Variants in UGGT2 observed in about 807,000 individuals in gnomAD.
UGGT2 encodes the protein UDP-glucose:glycoprotein glucosyltransferase 2.
Under a neutral mutation model 192.1 loss-of-function variants are expected in UGGT2, and 180 were observed. The ratio of observed to expected loss-of-function variants is 0.94; its 90% CI spans 0.83 to 1.06. The LOEUF (loss-of-function observed/expected upper bound fraction) is 1.06. Among genes scored for constraint, UGGT2 ranks in the 50% least tolerant of loss-of-function variants. UGGT2 has a pLI of 0.00. For missense variants in UGGT2, 1,849 were observed against 1,795.7 expected, an observed-to-expected ratio of 1.03 and a Z score of -0.54; for synonymous variants, 580 against 591.0, an observed-to-expected ratio of 0.98 and a Z score of 0.27.
chr13:95,814,143 A>C (rs1884706055), intron 38 of UGGT2, among the ~76,000 whole-genome samples: 1 of 152,212 alleles, frequency 6.6e-6, no homozygotes, highest in African/African-American at 2.4e-5. Flanking sequence ...TGTACCCCCC[A>C]CAGAGAGTCC....
intron 38 of UGGT2, among the ~76,000 whole-genome samples, chr13:95,823,898 G>C (rs1885755444): frequency 6.6e-6 from 1 of 151,904 alleles, no homozygotes; most frequent in African/African-American, 2.4e-5. Context: ...TTCTATTTTA[G>C]TGCATGTTGA....
chr13:95,901,711 T>G (rs2048109881), intron 21 of UGGT2, among the ~76,000 whole-genome samples: 1 of 152,154 alleles, frequency 6.6e-6, no homozygotes, highest in African/African-American at 2.4e-5. Context: ...CTACTATGAC[T>G]GAGGAACTGA....
intron 4 of UGGT2, among the ~76,000 whole-genome samples, chr13:96,014,871 C>A (rs919074701): frequency 6.6e-6 from 1 of 152,048 alleles, no homozygotes; most frequent in Non-Finnish European, 1.5e-5. Context: ...ATTTTATAAA[C>A]CTGATTTTAT....
rs557833575 is a variant in UGGT2 at position 95,869,458 on chromosome 13, A to G, written c.3474-2035T>C. On this transcript the variant is annotated intron_variant, in intron 29 of 38. Coordinates refer to ENST00000376747, the MANE Select transcript of UGGT2 (RefSeq NM_020121.4). ...TCTAGTTCTAGATCCCTCAGGAATC[A>G]CCACACTGACTTCCACAATGGTTGA... 9.2e-5 allele frequency among the ~76,000 whole-genome samples: 14 copies of G among 152,300 alleles called. No individual in the cohort carries two copies. The South Asian group carries it at 2.3e-3, about 25-fold the overall frequency.
At chr13:95,980,580 C>T (rs1181957599) in intron 10 of UGGT2, among the ~76,000 whole-genome samples, 8 of 152,324 alleles carry the variant, frequency 5.3e-5, no homozygotes, top group Non-Finnish European at 7.4e-5. Flanking sequence ...TAAACACCAT[C>T]TGTTCCCAAA....
At chr13:95,815,255 G>A (rs1256665608) in intron 38 of UGGT2, among the ~76,000 whole-genome samples, 1 of 152,082 alleles carries the variant, frequency 6.6e-6, no homozygotes, top group African/African-American at 2.4e-5. Context: ...ATGAAGACTG[G>A]AAAGGAAAAA....
chr13:95,954,737 T>G (rs2050164103), intron 12 of UGGT2, among the ~76,000 whole-genome samples: 1 of 152,326 alleles, frequency 6.6e-6, no homozygotes, highest in South Asian at 2.1e-4. Flanking sequence ...TGATGTCTTA[T>G]GTCTCCCTAA....
At chr13:95,995,907 T>G in intron 7 of UGGT2, 156 bp downstream of exon 7, 1 of 640,146 alleles carries the variant, frequency 1.6e-6, no homozygotes. Flanking sequence ...ATTAGCCATG[T>G]GTTACTTCTG....
At chr13:95,991,533 G>A (rs1414814454) in intron 7 of UGGT2, 6 of 441,674 alleles carry the variant, frequency 1.4e-5, no homozygotes, top group South Asian at 4.9e-5. Context: ...TTATAGTTAC[G>A]AATAAATATA....
intron 12 of UGGT2, among the ~76,000 whole-genome samples, chr13:95,961,584 G>A (rs1224793321): frequency 1.3e-5 from 2 of 151,986 alleles, no homozygotes; most frequent in African/African-American, 4.8e-5. Context: ...AAACACTGGA[G>A]TACCTACACA....
chr13:95,844,225 G>T (rs1000560506), intron 36 of UGGT2, among the ~76,000 whole-genome samples: 1 of 152,202 alleles, frequency 6.6e-6, no homozygotes, highest in African/African-American at 2.4e-5. Flanking sequence ...GCCTCCCAAA[G>T]TGCTGGGATT....
intron 17 of UGGT2, among the ~76,000 whole-genome samples, chr13:95,927,819 G>C (rs557731224): frequency 1.3e-5 from 2 of 152,098 alleles, no homozygotes; most frequent in South Asian, 2.1e-4. Flanking sequence ...GCCGCCTTCC[G>C]CAGTGTTTGT....
At chr13:95,822,598 A>T (rs1158302520) in intron 38 of UGGT2, among the ~76,000 whole-genome samples, 5 of 151,990 alleles carry the variant, frequency 3.3e-5, no homozygotes, top group Non-Finnish European at 7.4e-5. Flanking sequence ...TCGTACATGT[A>T]AAGGTGTTCA....
chr13:95,915,829 C>T (rs1230318786), intron 20 of UGGT2, among the ~76,000 whole-genome samples: 1 of 152,202 alleles, frequency 6.6e-6, no homozygotes, highest in Non-Finnish European at 1.5e-5. Flanking sequence ...CATTCCTCCT[C>T]ACTGGGGAGG....
intron 36 of UGGT2, among the ~76,000 whole-genome samples, chr13:95,840,519 T>G (rs1408634645): frequency 6.6e-6 from 1 of 152,170 alleles, no homozygotes; most frequent in Non-Finnish European, 1.5e-5. Flanking sequence ...TCATGCCAGT[T>G]AGAATGGTGA....
intron 29 of UGGT2, among the ~76,000 whole-genome samples, chr13:95,868,640 T>G (rs943890927): frequency 2.0e-5 from 3 of 152,078 alleles, no homozygotes; most frequent in African/African-American, 7.2e-5. Flanking sequence ...GGATCTAACC[T>G]GTATGGTAGA....
chr13:96,050,710 A>C (rs2053458904), intron 1 of UGGT2, among the ~76,000 whole-genome samples: 1 of 152,262 alleles, frequency 6.6e-6, no homozygotes, highest in South Asian at 2.1e-4. Flanking sequence ...ACATTTATGC[A>C]ACCAACAGAC....
chr13:95,970,287 TTTA>T (rs760925446), intron 11 of UGGT2, 25 bp from the exon 12 acceptor site: 6 of 1,561,614 alleles, frequency 3.8e-6, no homozygotes, highest in Middle Eastern at 1.7e-4. Flanking sequence ...AAAAAACAGT[TTTA>T]TTTTGATTTT....
chr13:95,940,455 CTTTTT>C (rs1231173934), intron 15 of UGGT2, among the ~76,000 whole-genome samples: 1 of 125,356 alleles, frequency 8.0e-6, no homozygotes, highest in Non-Finnish European at 1.7e-5. Flanking sequence ...TTTTCTTTTT[CTTTTT>C]TTTTTTTTTT....
Sources: gnomAD v4.1 joint callset for allele counts (sites outside exome capture counted in the v4.1 genomes callset) on GRCh38, gnomAD v4.1.1 for gene constraint, MANE v1.5 for transcripts, NCBI Gene and HGNC (gene_info 2026-07-23, HGNC 2026-07-21) for gene names.